The following KATNIP variants were observed in gnomAD, a reference collection of about 807,000 sequenced individuals.
KATNIP encodes katanin-interacting protein.
KATNIP carries 126 observed loss-of-function variants against 174.0 expected under a neutral mutation model. The ratio of observed to expected loss-of-function variants is 0.72; its 90% CI spans 0.63 to 0.84. The LOEUF is 0.84. Among genes scored for constraint, KATNIP ranks in the 40% least tolerant of loss-of-function variants. The pLI, the probability that KATNIP is intolerant of heterozygous loss-of-function variation, is 0.00. For synonymous variants in KATNIP, 810 were observed against 835.7 expected, an observed-to-expected ratio of 0.97 and a Z score of 0.53; for missense variants, 1,958 against 2,109.7, an observed-to-expected ratio of 0.93 and a Z score of 1.41.
At chr16:27,668,323 A>T (rs530498597) in intron 6 of KATNIP, among the ~76,000 whole-genome samples, 12 of 152,262 alleles carry the variant, frequency 7.9e-5, no homozygotes, top group African/African-American at 2.4e-4. Flanking sequence ...TGATTGAATT[A>T]TGGGGTGAGT....
At chr16:27,645,794 T>G (rs2076942080) in intron 5 of KATNIP, among the ~76,000 whole-genome samples, 1 of 152,066 alleles carries the variant, frequency 6.6e-6, no homozygotes, top group Non-Finnish European at 1.5e-5. Context: ...GCACTGAGTC[T>G]CTCCTGATTA....
intron 15 of KATNIP, among the ~76,000 whole-genome samples, chr16:27,745,836 G>A (rs1019095403): frequency 1.3e-5 from 2 of 152,020 alleles, no homozygotes; most frequent in Non-Finnish European, 2.9e-5. Flanking sequence ...ACAGGACAGA[G>A]CACTAATCCC....
At chr16:27,729,381 A>T (rs1361113652) in intron 14 of KATNIP, among the ~76,000 whole-genome samples, 1 of 152,192 alleles carries the variant, frequency 6.6e-6, no homozygotes, top group African/African-American at 2.4e-5. Flanking sequence ...TCAGACCTGC[A>T]TTGCTACCTG....
rs74019415 is a variant in KATNIP at position 27,675,058 on chromosome 16, C to A, written c.541-2671C>A. Among the ~76,000 whole-genome samples the A allele has an allele frequency of 2.5e-3, 386 of 152,282 alleles. 2 individuals are homozygous for A. The highest frequency in any genetic ancestry group is 8.8e-3 in the African/African-American group (367 of 41,554). On this transcript the variant is annotated intron_variant, in intron 6 of 27. Transcript: ENST00000261588. ...ACAATGGTGGATAGGTGTAGGATAA[C>A]AGTTAACAACATTCCTGTATTAGTC...
intron 13 of KATNIP, chr16:27,709,239 GA>G: frequency 3.7e-6 from 1 of 267,276 alleles, no homozygotes; most frequent in Non-Finnish European, 7.2e-6. Context: ...AGGATCTCCT[GA>G]GCCTAAGGAG....
intron 14 of KATNIP, among the ~76,000 whole-genome samples, chr16:27,724,683 C>T (rs1222476472): frequency 6.6e-6 from 1 of 152,186 alleles, no homozygotes; most frequent in African/African-American, 2.4e-5. Flanking sequence ...TTACCAGGAG[C>T]AGAAAAGCGC....
intron 5 of KATNIP, chr16:27,644,596 C>T (rs1388048906): frequency 6.6e-6 from 1 of 152,256 alleles, no homozygotes; most frequent in Non-Finnish European, 1.5e-5. Context: ...GCCTCGAACT[C>T]CTAGGCTCAA....
intron 2 of KATNIP, among the ~76,000 whole-genome samples, chr16:27,587,027 G>A (rs1430691394): frequency 1.3e-5 from 2 of 151,340 alleles, no homozygotes; most frequent in African/African-American, 2.4e-5. Flanking sequence ...GAGGTGGAAC[G>A]GTCCCGGGCA....
Position 27,766,473 on chromosome 16 carries a change from G to A in KATNIP, c.3974G>A (p.Gly1325Glu). The change falls in exon 20 of 28, where the codon GGG (glycine) becomes GAG (glutamate). Residue 1325 changes from glycine (G) to glutamate (E), a missense_variant and splice_region_variant. Physicochemically the swap from Gly to Glu is moderately conservative, Grantham distance 98 (BLOSUM62 -2). Around this residue, in one of 3 missense-constraint regions of KATNIP, gnomAD observed 383 missense variants for 456.0 expected, o/e 0.84. Coordinates refer to ENST00000261588, the MANE Select transcript of KATNIP (RefSeq NM_015202.5). ...AAATCTCCCGAGGACACCTATCGCG[G>A]GGTAAGCTGGGGAGCAGTGGCCGTG... Reference protein sequence around the residue: ...YNKSPEDTYRGAKIVHVSLDG... With the variant: ...YNKSPEDTYREAKIVHVSLDG... The A allele has an allele frequency of 6.2e-7, 1 of 1,610,568 alleles. No individual in the cohort carries two copies. Among genetic ancestry groups the A allele is most frequent in the East Asian group, 2.2e-5 (1 of 44,880 alleles).
At chr16:27,668,111 C>T (rs1188526952) in intron 6 of KATNIP, among the ~76,000 whole-genome samples, 1 of 152,196 alleles carries the variant, frequency 6.6e-6, no homozygotes, top group African/African-American at 2.4e-5. Context: ...AGTCAGTGGA[C>T]AGTCACTGTG....
chr16:27,661,836 C>T (rs988633846), intron 6 of KATNIP, among the ~76,000 whole-genome samples: 1 of 140,974 alleles, frequency 7.1e-6, no homozygotes, highest in Non-Finnish European at 1.5e-5. Flanking sequence ...GCCTCAACCT[C>T]CTGAGCTCAA....
chr16:27,777,562 G>A lies in KATNIP; in HGVS notation c.4552-48G>A, dbSNP rs1307252432. On this transcript the variant is annotated intron_variant, in intron 25 of 27. Coordinates refer to ENST00000261588, the MANE Select transcript of KATNIP (RefSeq NM_015202.5). This position sits in a 1 kb window ranked among gnomAD's most constrained non-coding sequence, Gnocchi z 4.4. ...GTAACGCGTTCTGCCCAAGGTCAAC[G>A]TGGGAGGGACGAGGGGGACCCATGA... 7 of 1,547,718 alleles carry A rather than the reference G, an allele frequency of 4.5e-6. No homozygotes were observed. Among genetic ancestry groups the A allele is most frequent in the East Asian group, 2.3e-5 (1 of 44,282 alleles).
chr16:27,754,220 C>G lies in KATNIP; in HGVS notation c.3600C>G (p.Thr1200=), dbSNP rs764568118. The G allele has an allele frequency of 1.9e-6, 3 of 1,614,090 alleles. No individual in the cohort carries two copies. In the East Asian group the frequency reaches 6.7e-5, roughly 36 times the overall value. ...CCAGTTCCCCTGTCCCCCAAGTCAC[C>G]ACGCCAGAGCCAGGCATCTACCACG... is the stretch of plus-strand genomic sequence containing the variant. ...LPSSSPVPQV[T]TPEPGIYHGI... Residue 1200 remains threonine (T), a synonymous_variant, in exon 18 of 28, where the codon ACC becomes ACG. Coordinates refer to ENST00000261588, the MANE Select transcript of KATNIP (RefSeq NM_015202.5).
chr16:27,578,901 T>G (rs781293071), intron 2 of KATNIP, among the ~76,000 whole-genome samples: 4 of 152,114 alleles, frequency 2.6e-5, no homozygotes, highest in Non-Finnish European at 5.9e-5. Flanking sequence ...TTCTGAAAAA[T>G]GTAGCTTTGA....
chr16:27,679,116 A>G (rs2078231320), intron 7 of KATNIP: 1 of 152,274 alleles, frequency 6.6e-6, no homozygotes, highest in South Asian at 2.1e-4. Context: ...TTGGAATCAG[A>G]CAGTGTGTCA....
chr16:27,600,842 GCCTCAGCCT>G (rs1567479336), intron 2 of KATNIP, among the ~76,000 whole-genome samples: 1 of 151,664 alleles, frequency 6.6e-6, no homozygotes, highest in Non-Finnish European at 1.5e-5. Flanking sequence ...CGATTCTCCT[GCCTCAGCCT>G]CCCGAGTACC....
intron 1 of KATNIP, among the ~76,000 whole-genome samples, chr16:27,555,057 C>A (rs2141536702): frequency 6.6e-6 from 1 of 152,200 alleles, no homozygotes; most frequent in South Asian, 2.1e-4. Flanking sequence ...CTCAGCCTCC[C>A]AAAGTGCTGG....
intron 9 of KATNIP, among the ~76,000 whole-genome samples, 155 bp downstream of exon 9, chr16:27,698,655 C>A (rs2078998540): frequency 6.6e-6 from 1 of 152,240 alleles, no homozygotes; most frequent in Non-Finnish European, 1.5e-5. Context: ...GACAGTCACC[C>A]ACTGACCTGC....
At chr16:27,698,255 G>A (rs1036544817) in intron 8 of KATNIP, 73 bp from the exon 9 acceptor site, 50 of 1,401,036 alleles carry the variant, frequency 3.6e-5, no homozygotes, top group Admixed American at 1.7e-4. Flanking sequence ...TTCCTCAATT[G>A]GGGTCTAATG....
Sources: gnomAD v4.1 joint callset for allele counts (sites outside exome capture counted in the v4.1 genomes callset) on GRCh38, gnomAD v4.1.1 for gene constraint, gnomAD v4.1.1 regional missense constraint, Gnocchi (gnomAD v3.1) non-coding constraint, MANE v1.5 for transcripts, NCBI Gene and HGNC (gene_info 2026-07-23, HGNC 2026-07-21) for gene names.